The following PDE2A variants were observed in gnomAD, a reference collection of about 807,000 sequenced individuals.
PDE2A encodes cGMP-dependent 3',5'-cyclic phosphodiesterase.
Under a neutral mutation model 133.6 loss-of-function variants are expected in PDE2A, and 53 were observed. The ratio of observed to expected loss-of-function variants is 0.40; its 90% CI spans 0.32 to 0.50. The LOEUF (loss-of-function observed/expected upper bound fraction) is 0.50, where lower values mean the gene tolerates loss of function less well. Among genes scored for constraint, PDE2A ranks in the 20% least tolerant of loss-of-function variants. The pLI is 0.73. For missense variants in PDE2A, 796 were observed against 1,232.4 expected (o/e 0.65, Z 5.30); for synonymous variants, 491 against 490.2 (o/e 1.00, Z -0.02).
intron 2 of PDE2A, among the ~76,000 whole-genome samples, chr11:72,626,080 G>A (rs1028672534): frequency 2.0e-5 from 3 of 152,256 alleles, no homozygotes; most frequent in East Asian, 1.9e-4. Context: ...GGCCCTTGAC[G>A]AGGCTGGCCC....
At position 72,584,844 on chromosome 11, in the gene PDE2A, G is replaced by A. The variant is rs114472530; in HGVS notation, c.1359+28C>T. ...CGGCGGACTCCCGGACACCCCTAGG[G>A]CCACATACTCCCTCCACACCCTCTC... On this transcript the variant is annotated intron_variant, in intron 17 of 30. Transcript: ENST00000334456. 1,425 of 1,611,408 alleles carry A rather than the reference G, an allele frequency of 8.8e-4. 7 individuals carry two copies. The African/African-American group carries it at 0.017, about 19-fold the overall frequency.
intron 18 of PDE2A, 80 bp from the exon 19 acceptor site, chr11:72,584,393 T>C (rs751035213): frequency 2.4e-6 from 3 of 1,256,918 alleles, no homozygotes; most frequent in Admixed American, 3.7e-5. Flanking sequence ...GGACCTGCCC[T>C]CGCAGTTTCC....
chr11:72,608,868 C>A, intron 2 of PDE2A, 117 bp from the exon 3 acceptor site: 1 of 645,898 alleles, frequency 1.5e-6, no homozygotes. Context: ...GTCTTTCAGG[C>A]ACAGGAATCC....
intron 4 of PDE2A, chr11:72,598,911 A>C: frequency 1.0e-6 from 1 of 985,394 alleles, no homozygotes; most frequent in Non-Finnish European, 1.2e-6. Flanking sequence ...GCTGGGCTCC[A>C]GTTCCCGGCT....
chr11:72,594,248 G>T (rs1158570442), intron 6 of PDE2A, among the ~76,000 whole-genome samples: 1 of 152,240 alleles, frequency 6.6e-6, no homozygotes, highest in Non-Finnish European at 1.5e-5. Context: ...TGAGAGAGGG[G>T]AATGGGGCTT....
At chr11:72,652,487 G>A (rs1400493953) in intron 1 of PDE2A, 2 of 455,036 alleles carry the variant, frequency 4.4e-6, no homozygotes, top group Non-Finnish European at 8.8e-6. Flanking sequence ...CATATGTGAG[G>A]TGCATGCCAG....
intron 2 of PDE2A, among the ~76,000 whole-genome samples, chr11:72,624,686 C>T (rs574373842): frequency 2.0e-5 from 3 of 152,330 alleles, no homozygotes; most frequent in Non-Finnish European, 2.9e-5. Flanking sequence ...GTGTCACACA[C>T]GTGGTAGCAT....
chr11:72,658,030 C>T, intron 1 of PDE2A: 1 of 456,208 alleles, frequency 2.2e-6, no homozygotes, highest in Non-Finnish European at 4.4e-6. Flanking sequence ...CAGGCATGTA[C>T]CAGGCATCTT....
intron 1 of PDE2A, among the ~76,000 whole-genome samples, chr11:72,666,689 G>A (rs913624494): frequency 1.3e-5 from 2 of 152,144 alleles, no homozygotes; most frequent in African/African-American, 4.8e-5. Context: ...ACAGGCATCT[G>A]TATACACAGG....
intron 2 of PDE2A, among the ~76,000 whole-genome samples, chr11:72,625,431 C>A (rs533229385): frequency 6.6e-6 from 1 of 152,198 alleles, no homozygotes; most frequent in Non-Finnish European, 1.5e-5. Flanking sequence ...CAATGCTCCA[C>A]GTGAAGCTGC....
At chr11:72,588,241 A>G (rs1371411819) in intron 13 of PDE2A, among the ~76,000 whole-genome samples, 1 of 152,100 alleles carries the variant, frequency 6.6e-6, no homozygotes, top group Non-Finnish European at 1.5e-5. Flanking sequence ...TTATGACACC[A>G]TTTCTAGACC....
chr11:72,583,597 A>C (rs1855819888), intron 19 of PDE2A, 82 bp from the exon 20 acceptor site: 1 of 897,152 alleles, frequency 1.1e-6, no homozygotes, highest in African/African-American at 1.6e-5. Context: ...TGAAGGGGTC[A>C]AAAAGACACC....
rs1856496060 is a variant in PDE2A at position 72,596,516 on chromosome 11, A to ACG, written c.489+76_489+77insCG. On this transcript the variant is annotated intron_variant, in intron 6 of 30. Transcript: ENST00000334456. ...CACACACACACACACACACACACAC[A>ACG]CCCTGGACAGGCTCCATCCACCACT... 1.4e-5 allele frequency: 9 copies of ACG among 644,996 alleles called. No homozygotes were observed. In the East Asian group the frequency reaches 3.1e-4, roughly 22 times the overall value. 40.0% of individuals were successfully genotyped at this position (644,996 alleles called of 1,614,324 possible).
chr11:72,615,394 A>T (rs548002626), intron 2 of PDE2A, among the ~76,000 whole-genome samples: 19 of 152,178 alleles, frequency 1.2e-4, no homozygotes, highest in African/African-American at 4.6e-4. Context: ...GGCAGGCAAG[A>T]GTTGCCTGCA....
intron 16 of PDE2A, 166 bp downstream of exon 16, chr11:72,585,205 A>AG: frequency 1.4e-6 from 1 of 693,560 alleles, no homozygotes; most frequent in Admixed American, 2.2e-5. Flanking sequence ...GCTGTATTGG[A>AG]GCCTACAGTC....
At chr11:72,656,636 A>C (rs1383255259) in intron 1 of PDE2A, among the ~76,000 whole-genome samples, 1 of 151,892 alleles carries the variant, frequency 6.6e-6, no homozygotes, top group Non-Finnish European at 1.5e-5. Flanking sequence ...TTGCTGATGC[A>C]AATTTCATTC....
At chr11:72,614,628 G>A (rs904345328) in intron 2 of PDE2A, among the ~76,000 whole-genome samples, 4 of 152,224 alleles carry the variant, frequency 2.6e-5, no homozygotes, top group African/African-American at 9.6e-5. Flanking sequence ...AACATTCCTA[G>A]ATGACACTGA....
intron 2 of PDE2A, among the ~76,000 whole-genome samples, chr11:72,625,403 C>T (rs553113640): frequency 2.6e-5 from 4 of 152,232 alleles, no homozygotes; most frequent in South Asian, 2.1e-4. Flanking sequence ...AACTGAACAA[C>T]TGTGGACAGG....
At chr11:72,583,588 G>A in intron 19 of PDE2A, 73 bp from the exon 20 acceptor site, 1 of 1,001,596 alleles carries the variant, frequency 1.0e-6, no homozygotes, top group Non-Finnish European at 1.6e-6. Context: ...GGACTGGGAT[G>A]AAGGGGTCAA....
Sources: allele counts gnomAD v4.1 joint callset (sites outside exome capture counted in the v4.1 genomes callset), GRCh38; gene constraint gnomAD v4.1.1; transcripts MANE v1.5; gene names NCBI Gene and HGNC (gene_info 2026-07-23, HGNC 2026-07-21).